The following CSGALNACT1 variants were observed in gnomAD, a reference collection of about 807,000 sequenced individuals.
The protein encoded by CSGALNACT1 is beta4GalNAcT-1.
A neutral mutation model predicts 51.0 loss-of-function variants in CSGALNACT1; 52 were observed. That is an observed-to-expected ratio of 1.02 (90% CI 0.82 to 1.29). The LOEUF is 1.29. CSGALNACT1 is among the 50% of genes most tolerant of loss of function. CSGALNACT1 has a pLI of 0.00. For missense variants in CSGALNACT1, 935 were observed against 679.2 expected (o/e 1.38, Z -4.19); for synonymous variants, 341 against 254.4 (o/e 1.34, Z -3.24).
intron 1 of CSGALNACT1, among the ~76,000 whole-genome samples, chr8:19,649,488 G>GTA (rs2057583151): frequency 6.6e-6 from 1 of 152,064 alleles, no homozygotes; most frequent in South Asian, 2.1e-4. Flanking sequence ...GAATGCTGCT[G>GTA]TATATCATGT....
chr8:19,460,918 T>C (rs1170035849), intron 4 of CSGALNACT1, among the ~76,000 whole-genome samples: 2 of 152,160 alleles, frequency 1.3e-5, no homozygotes, highest in African/African-American at 4.8e-5. Flanking sequence ...GAGAGGAGTG[T>C]GGTCCTGTGA....
At chr8:19,511,002 A>G (rs1360671802) in intron 3 of CSGALNACT1, among the ~76,000 whole-genome samples, 1 of 152,198 alleles carries the variant, frequency 6.6e-6, no homozygotes, top group Non-Finnish European at 1.5e-5. Flanking sequence ...AGAGCTGTGT[A>G]CTCTGCCAAG....
chr8:19,746,968 G>A (rs894058059), intron 1 of CSGALNACT1, among the ~76,000 whole-genome samples: 10 of 152,182 alleles, frequency 6.6e-5, no homozygotes, highest in Middle Eastern at 3.2e-3. Context: ...AGGGAAAGGG[G>A]TTTAAAGAGC....
chr8:19,575,033 C>CAA (rs969132530), intron 3 of CSGALNACT1, among the ~76,000 whole-genome samples: 3 of 136,942 alleles, frequency 2.2e-5, no homozygotes, highest in African/African-American at 5.4e-5. Context: ...GACTCCGTCT[C>CAA]AAAAAAAAAA....
chr8:19,666,811 G>C (rs1480742270), intron 1 of CSGALNACT1, among the ~76,000 whole-genome samples: 1 of 26,354 alleles, frequency 3.8e-5, no homozygotes, highest in Non-Finnish European at 6.7e-5. Context: ...AAGAAAGAAA[G>C]AGAGAGAGAG....
At chr8:19,428,325 C>T (rs1279874177) in intron 6 of CSGALNACT1, among the ~76,000 whole-genome samples, 1 of 152,126 alleles carries the variant, frequency 6.6e-6, no homozygotes, top group African/African-American at 2.4e-5. Context: ...GCTGGGGAGG[C>T]CTCACATTCA....
At chr8:19,468,485 GA>G (rs1275123034) in intron 4 of CSGALNACT1, among the ~76,000 whole-genome samples, 1 of 152,186 alleles carries the variant, frequency 6.6e-6, no homozygotes, top group Non-Finnish European at 1.5e-5. Context: ...TAGCATGGGA[GA>G]GGTGAGATCT....
chr8:19,492,636 T>C (rs900861609), intron 4 of CSGALNACT1, among the ~76,000 whole-genome samples: 3 of 152,336 alleles, frequency 2.0e-5, no homozygotes, highest in African/African-American at 7.2e-5. Flanking sequence ...TAAGGGCATG[T>C]TCCATTCAAC....
chr8:19,406,151 A>T, intron 9 of CSGALNACT1, 82 bp from the exon 9 acceptor site: 1 of 1,509,698 alleles, frequency 6.6e-7, no homozygotes, highest in Non-Finnish European at 9.2e-7. Context: ...CAAACTTTTC[A>T]TTAAGACATG....
chr8:19,563,974 G>C (rs950437054), intron 3 of CSGALNACT1, among the ~76,000 whole-genome samples: 14 of 151,900 alleles, frequency 9.2e-5, no homozygotes, highest in African/African-American at 3.1e-4. Flanking sequence ...TGGACGTTCT[G>C]TCTCCACGGC....
intron 1 of CSGALNACT1, among the ~76,000 whole-genome samples, chr8:19,756,065 A>G (rs542265923): frequency 1.3e-5 from 2 of 152,196 alleles, no homozygotes; most frequent in Admixed American, 1.3e-4. Flanking sequence ...TTCTGCGTCT[A>G]TTTCCAAGTT....
In CSGALNACT1 at chr8:19,596,873, A is replaced by G. The variant is rs143298327; in HGVS notation, c.-416+4898T>C. On this transcript the variant is annotated intron_variant, in intron 2 of 9. Coordinates refer to ENST00000454498, the Ensembl canonical transcript of CSGALNACT1. ...CCATCTTAACCATTTTTAAGTATACAGTCCAGTAGCATTAAATACAGTCAC... is the reference window on the plus strand; with the variant it reads ...CCATCTTAACCATTTTTAAGTATACGGTCCAGTAGCATTAAATACAGTCAC... Among the ~76,000 whole-genome samples the G allele has an allele frequency of 8.0e-3, 1,213 of 152,326 alleles. 18 individuals carry two copies. Among genetic ancestry groups the G allele is most frequent in the African/African-American group, 0.028 (1,144 of 41,556 alleles).
chr8:19,497,714 C>T (rs369966604), intron 4 of CSGALNACT1, among the ~76,000 whole-genome samples: 6 of 152,236 alleles, frequency 3.9e-5, no homozygotes, highest in Admixed American at 6.5e-5. Flanking sequence ...AATAAATCCT[C>T]GGGCCTCCAA....
chr8:19,408,257 G>A (rs1052816696), intron 9 of CSGALNACT1, among the ~76,000 whole-genome samples: 2 of 152,014 alleles, frequency 1.3e-5, no homozygotes, highest in African/African-American at 4.8e-5. Flanking sequence ...GGGCTAAAAT[G>A]CCACCTACTA....
intron 1 of CSGALNACT1, among the ~76,000 whole-genome samples, chr8:19,658,321 T>C (rs1464783949): frequency 6.6e-6 from 1 of 152,130 alleles, no homozygotes; most frequent in Non-Finnish European, 1.5e-5. Context: ...AGAAAATACA[T>C]CTGTTATGGT....
chr8:19,620,309 T>C (rs1229106189), intron 1 of CSGALNACT1, among the ~76,000 whole-genome samples: 2 of 75,606 alleles, frequency 2.6e-5, no homozygotes, highest in African/African-American at 1.3e-4. Flanking sequence ...AGTGAGACTC[T>C]GTCTCAAAAA....
intron 3 of CSGALNACT1, among the ~76,000 whole-genome samples, chr8:19,516,504 A>T (rs945033263): frequency 1.3e-5 from 2 of 152,092 alleles, no homozygotes; most frequent in Non-Finnish European, 2.9e-5. Flanking sequence ...GGCATGAATC[A>T]CTGCTTCTCT....
At chr8:19,498,980 G>A (rs1201530135) in intron 4 of CSGALNACT1, among the ~76,000 whole-genome samples, 2 of 152,060 alleles carry the variant, frequency 1.3e-5, no homozygotes, top group African/African-American at 2.4e-5. Context: ...GCTGGACATG[G>A]TGGTACACAC....
chr8:19,572,896 C>T (rs1057161626), intron 3 of CSGALNACT1, among the ~76,000 whole-genome samples: 2 of 152,180 alleles, frequency 1.3e-5, no homozygotes, highest in Admixed American at 6.5e-5. Flanking sequence ...TAATTGAGTA[C>T]TTTCTCCAGA....
Sources: allele counts gnomAD v4.1 joint callset (sites outside exome capture counted in the v4.1 genomes callset), GRCh38; gene constraint gnomAD v4.1.1; transcripts MANE v1.5; gene names NCBI Gene and HGNC (gene_info 2026-07-23, HGNC 2026-07-21).